HSPH1: variants seen among roughly 807,000 people sequenced by gnomAD.
HSPH1 encodes the protein heat shock protein family H (Hsp110) member 1.
HSPH1 carries 40 observed loss-of-function variants against 100.0 expected under a neutral mutation model. The observed-to-expected ratio is 0.40, with a 90% CI of 0.31 to 0.52. The LOEUF is 0.52. Ranked by LOEUF, HSPH1 falls within the 20% of genes least tolerant of loss-of-function variation. The probability of loss-of-function intolerance (pLI) is 0.54; values close to 1 mark genes in which losing one functional copy is unlikely to be tolerated. For missense variants in HSPH1, 876 were observed against 1,015.1 expected (o/e 0.86, Z 1.86); for synonymous variants, 403 against 344.0 (o/e 1.17, Z -1.90).
At chr13:31,162,027 T>C (rs1199828784), upstream of HSPH1, 2 of 1,535,984 alleles carry the variant, frequency 1.3e-6, no homozygotes, top group African/African-American at 1.4e-5. Context: ...GCTTCCTTCT[T>C]CTCGAGCCTT....
upstream of HSPH1, chr13:31,161,939 T>A (rs1442106236): frequency 6.5e-7 from 1 of 1,535,200 alleles, no homozygotes; most frequent in African/African-American, 1.4e-5. Context: ...GCCTTATGTA[T>A]CGCACTGATC....
At chr13:31,140,402 C>G in intron 13 of HSPH1, 93 bp from the exon 14 acceptor site, 1 of 1,249,062 alleles carries the variant, frequency 8.0e-7, no homozygotes, top group Non-Finnish European at 1.1e-6. Flanking sequence ...AAAAATGATA[C>G]AAAACAAATT....
intron 9 of HSPH1, 31 bp from the exon 10 acceptor site, chr13:31,148,123 A>G (rs777823389): frequency 1.9e-6 from 3 of 1,593,274 alleles, no homozygotes; most frequent in Non-Finnish European, 1.7e-6. Context: ...CATTCAGCAG[A>G]TGAAGAACTT....
Position 31,143,942 on chromosome 13 carries a change from C to T in HSPH1, c.1585-19G>A, listed in dbSNP as rs1414442803. Reference sequence around the variant, plus strand: ...CATTTTTCTGAAATGAAAGCCCAGGCACAAAGGATGTAGAAAGCAGGTGTA... The same window carrying T: ...CATTTTTCTGAAATGAAAGCCCAGGTACAAAGGATGTAGAAAGCAGGTGTA... On this transcript the variant is annotated intron_variant, in intron 11 of 17. Coordinates refer to ENST00000320027, the MANE Select transcript of HSPH1 (RefSeq NM_006644.4). 7 of 1,570,064 alleles carry T rather than the reference C, an allele frequency of 4.5e-6. No homozygotes were observed. Among genetic ancestry groups the T allele is most frequent in the African/African-American group, 2.7e-5 (2 of 72,830 alleles).
intron 10 of HSPH1, 137 bp downstream of exon 10, chr13:31,147,822 T>C: frequency 4.1e-6 from 3 of 734,410 alleles, no homozygotes; most frequent in Middle Eastern, 4.0e-4. Context: ...ACCATTATTC[T>C]AAACAGAAAA....
At chr13:31,161,047 G>C (rs1306390269) in intron 1 of HSPH1, among the ~76,000 whole-genome samples, 4 of 152,228 alleles carry the variant, frequency 2.6e-5, no homozygotes, top group Admixed American at 1.3e-4. Context: ...GAAGGGAGGA[G>C]GACAAGCTGG....
chr13:31,143,797 C>A lies in HSPH1; in HGVS notation c.1711G>T (p.Asp571Tyr). Residue 571 changes from aspartate to tyrosine, a missense_variant, in exon 12 of 18, where the codon GAC (aspartate) becomes TAC (tyrosine). By Grantham distance (160) the Asp-to-Tyr change is radical. Transcript: ENST00000320027. ...GAACTAGAAGAGTCACTCACTTTGTCAGCATCTGGGATTTTGTTTTCTTCT... is the reference window on the plus strand; with the variant it reads ...GAACTAGAAGAGTCACTCACTTTGTAAGCATCTGGGATTTTGTTTTCTTCT... ...TSEENKIPDADKANEKKVDQP... is the reference protein window; with the variant it reads ...TSEENKIPDAYKANEKKVDQP... The A allele has an allele frequency of 6.2e-7, 1 of 1,605,788 alleles. No homozygotes were observed. Among genetic ancestry groups the A allele is most frequent in the South Asian group, 1.1e-5 (1 of 89,814 alleles).
intron 2 of HSPH1, among the ~76,000 whole-genome samples, chr13:31,158,317 G>A (rs529189748): frequency 7.7e-4 from 117 of 152,284 alleles, no homozygotes; most frequent in Admixed American, 2.6e-3. Flanking sequence ...TTGGGAGGCT[G>A]AGACAGATGG....
intron 8 of HSPH1, 144 bp downstream of exon 8, chr13:31,149,810 T>C: frequency 3.2e-6 from 2 of 627,178 alleles, no homozygotes; most frequent in Non-Finnish European, 2.8e-6. Context: ...TGAGTAGCCT[T>C]ATCTCCCTAC....
chr13:31,137,273 C>CA lies in HSPH1; in HGVS notation c.*44dup. ...TGTTATGTAGAGTCACATACTATGG[C>CA]AAAAATATTTTATTAATTGAAGGAA... On this transcript the variant is annotated 3_prime_UTR_variant, in exon 18 of 18. Coordinates refer to ENST00000320027, the MANE Select transcript of HSPH1 (RefSeq NM_006644.4). 8.2e-7 allele frequency: 1 copy of CA among 1,223,924 alleles called. No individual in the cohort carries two copies. Among genetic ancestry groups the CA allele is most frequent in the Non-Finnish European group, 1.2e-6 (1 of 846,152 alleles). The allele number at this position is 1,223,924 out of a possible 1,614,324, so 75.8% of individuals were successfully genotyped here. A position where few individuals can be genotyped will look rare whatever the true frequency, so the allele number is the denominator to read the frequency against.
intron 2 of HSPH1, among the ~76,000 whole-genome samples, chr13:31,156,056 G>A (rs901962499): frequency 2.0e-5 from 3 of 152,098 alleles, no homozygotes; most frequent in Non-Finnish European, 2.9e-5. Flanking sequence ...TGAATGAATA[G>A]ATCTAGTAGC....
At chr13:31,149,787 G>T (rs112667156) in intron 8 of HSPH1, among the ~76,000 whole-genome samples, 167 bp downstream of exon 8, 1 of 152,074 alleles carries the variant, frequency 6.6e-6, no homozygotes, top group Admixed American at 6.6e-5. Context: ...AAATTTACTG[G>T]ATCTTTTAGA....
chr13:31,141,011 T>C (rs1255398644), intron 13 of HSPH1, 111 bp downstream of exon 13: 4 of 677,122 alleles, frequency 5.9e-6, no homozygotes, highest in African/African-American at 3.7e-5. Context: ...TAAAACTATA[T>C]AAAACTTGGG....
intron 7 of HSPH1, among the ~76,000 whole-genome samples, chr13:31,150,726 C>T (rs1025023447): frequency 6.6e-6 from 1 of 152,190 alleles, no homozygotes; most frequent in Non-Finnish European, 1.5e-5. Flanking sequence ...GAGGGTAGTA[C>T]TTAGACCCAT....
chr13:31,139,060 C>T lies in HSPH1; in HGVS notation c.2028G>A (p.Leu676=), dbSNP rs752079521. The T allele has an allele frequency of 3.7e-6, 6 of 1,613,022 alleles. No individual in the cohort carries two copies. The East Asian group carries it at 8.9e-5, about 24-fold the overall frequency. ...TAGCTTGGTCCTCTCCTTCTTCATA[C>T]AGCCAGTCTTCAGTTTCTGTGAGGA... ...LRLLTETEDW[L]YEEGEDQAKQ... is the part of the protein sequence containing the mutation. The change falls in exon 15 of 18, where the codon CTG becomes CTA. Residue 676 remains leucine (L), a synonymous_variant. Coordinates refer to ENST00000320027, the MANE Select transcript of HSPH1 (RefSeq NM_006644.4).
At chr13:31,139,164 A>G in intron 14 of HSPH1, 57 bp from the exon 15 acceptor site, 1 of 1,105,214 alleles carries the variant, frequency 9.0e-7, no homozygotes, top group African/African-American at 1.5e-5. Flanking sequence ...TTTTCACAAC[A>G]AAACAAAGAG....
At chr13:31,162,233 A>G (rs190001918), upstream of HSPH1, 127 of 790,970 alleles carry the variant, frequency 1.6e-4, 1 homozygote, top group African/African-American at 1.9e-3. Context: ...ACAATTTACT[A>G]CCGGGAGGTG....
chr13:31,161,664 T>G lies in HSPH1; in HGVS notation c.-82A>C. 6.3e-7 allele frequency: 1 copy of G among 1,579,400 alleles called. No individual in the cohort carries two copies. Among genetic ancestry groups the G allele is most frequent in the South Asian group, 1.1e-5 (1 of 88,612 alleles). Reference sequence around the variant, plus strand: ...GCCTGCTTCTCCTGCCGCCGCTTTCTGCCCTGGCCGCGTTCTGCTCCGGCC... The same window carrying G: ...GCCTGCTTCTCCTGCCGCCGCTTTCGGCCCTGGCCGCGTTCTGCTCCGGCC... On this transcript the variant is annotated 5_prime_UTR_variant, in exon 1 of 18. Transcript: ENST00000320027.
intron 1 of HSPH1, among the ~76,000 whole-genome samples, chr13:31,160,639 C>T (rs552878297): frequency 2.0e-5 from 3 of 152,314 alleles, no homozygotes; most frequent in East Asian, 1.9e-4. Context: ...ACCCTATGCT[C>T]CTATAGAATA....
Sources: allele counts gnomAD v4.1 joint callset (sites outside exome capture counted in the v4.1 genomes callset), GRCh38; gene constraint gnomAD v4.1.1; transcripts MANE v1.5; gene names NCBI Gene and HGNC (gene_info 2026-07-23, HGNC 2026-07-21).